Variants in BEGAIN observed in about 807,000 individuals in gnomAD.
BEGAIN encodes the protein brain-enriched guanylate kinase-associated protein.
A neutral mutation model predicts 35.8 loss-of-function variants in BEGAIN; 19 were observed. The ratio of observed to expected loss-of-function variants is 0.53; its 90% confidence interval spans 0.37 to 0.78. The LOEUF is 0.78. Among genes scored for constraint, BEGAIN ranks in the 30% least tolerant of loss-of-function variants. The pLI is 0.00. For missense variants in BEGAIN, 795 were observed against 853.6 expected (o/e 0.93, Z 0.85); for synonymous variants, 462 against 388.6 (o/e 1.19, Z -2.22).
At chr14:100,555,110 G>A (rs921968689) in intron 2 of BEGAIN, among the ~76,000 whole-genome samples, 1 of 152,246 alleles carries the variant, frequency 6.6e-6, no homozygotes, top group African/African-American at 2.4e-5. Flanking sequence ...GTTGGCCCCT[G>A]GAGGAAGCCC....
chr14:100,574,804 C>G lies in BEGAIN; in HGVS notation c.43-6865G>C, dbSNP rs147035703. Among the ~76,000 whole-genome samples, 7 of 152,236 alleles carry G rather than the reference C, an allele frequency of 4.6e-5. No homozygotes were observed. The South Asian group carries it at 8.3e-4, about 18-fold the overall frequency. On this transcript the variant is annotated intron_variant, in intron 1 of 6. Coordinates refer to ENST00000554140, the MANE Select transcript of BEGAIN (RefSeq NM_001385089.1). Reference sequence around the variant, plus strand: ...AGTGACTTATTCAAGGTCACTCAGCCGGAAAGCCTCTCAGACAGGATCCAA... The same window carrying G: ...AGTGACTTATTCAAGGTCACTCAGCGGGAAAGCCTCTCAGACAGGATCCAA...
Position 100,571,668 on chromosome 14 carries a change from G to A in BEGAIN, c.43-3729C>T, listed in dbSNP as rs1323453499. Among the ~76,000 whole-genome samples the A allele has an allele frequency of 6.6e-5, 10 of 152,268 alleles. No homozygotes were observed. In the East Asian group the frequency reaches 1.9e-3, roughly 29 times the overall value. On this transcript the variant is annotated intron_variant, in intron 1 of 6. Coordinates refer to ENST00000554140, the MANE Select transcript of BEGAIN (RefSeq NM_001385089.1). ...GACAAGGTGGAGGGGGTGACTCTGT[G>A]CCACCTGTCAGGCCTCCATGAGGGG...
At chr14:100,546,731 G>A in intron 2 of BEGAIN, 69 bp from the exon 3 acceptor site, 1 of 1,418,546 alleles carries the variant, frequency 7.0e-7, no homozygotes, top group Non-Finnish European at 9.2e-7. Flanking sequence ...CCGCAGGCCA[G>A]CCGGGGCGTG....
rs528143183 is a variant in BEGAIN, at chr14:100,560,846, C to T, written c.71+7065G>A. 1.7e-3 allele frequency among the ~76,000 whole-genome samples: 261 copies of T among 152,336 alleles called. 1 individual carries two copies. Among genetic ancestry groups the T allele is most frequent in the African/African-American group, 6.1e-3 (254 of 41,584 alleles). The stretch of plus-strand genomic sequence containing the variant: ...GTCCTGCAACTCTGTCCTGCTGCTG[C>T]TCAGGACAGACACGAGCTGCCCTCG... On this transcript the variant is annotated intron_variant, in intron 2 of 6. Coordinates refer to ENST00000554140, the MANE Select transcript of BEGAIN (RefSeq NM_001385089.1).
At position 100,545,070 on chromosome 14, in the gene BEGAIN, G is replaced by A. The variant is rs1379324781; in HGVS notation, c.234-4C>T. 1.6e-5 allele frequency: 26 copies of A among 1,613,188 alleles called. No homozygotes were observed. In the Admixed American group the frequency reaches 4.0e-4, roughly 25 times the overall value. On this transcript the variant is annotated splice_region_variant and splice_polypyrimidine_tract_variant and intron_variant, in intron 3 of 6. Transcript: ENST00000554140. Reference sequence around the variant, plus strand: ...TGCCATGTAGTTGCTCTGAATCCTGGTGCAGGAGGCAAGGGGGTCACTGCC... The same window carrying A: ...TGCCATGTAGTTGCTCTGAATCCTGATGCAGGAGGCAAGGGGGTCACTGCC...
Position 100,544,897 on chromosome 14 carries a change from G to A in BEGAIN, c.300+103C>T. ...ATGGAGAAAGGGGTGGGACCAGCAA[G>A]ACCTGTGTCCCAGCTCCTGAGTGGC... On this transcript the variant is annotated intron_variant, in intron 4 of 6. Transcript: ENST00000554140. The A allele has an allele frequency of 4.4e-6, 5 of 1,144,452 alleles. No homozygotes were observed. In the Admixed American group the frequency reaches 8.6e-5, roughly 20 times the overall value. 70.9% of individuals were successfully genotyped at this position (1,144,452 alleles called of 1,614,324 possible). A position where few individuals can be genotyped will look rare whatever the true frequency, so the allele number is the denominator to read the frequency against.
Position 100,539,130 on chromosome 14 carries a change from C to T in BEGAIN, c.678G>A (p.Leu226=), listed in dbSNP as rs1173234095. Reference sequence around the variant, plus strand: ...GTTTCTCCACCCCGTCGCAGAAGGCCAGGTCGCGGGCGGAGGCATCGGACA... The same window carrying T: ...GTTTCTCCACCCCGTCGCAGAAGGCTAGGTCGCGGGCGGAGGCATCGGACA... ...SRLSDASARD[L]AFCDGVEKPG... is the part of the protein sequence containing the mutation. Residue 226 remains leucine, a synonymous_variant, in exon 7 of 7, where the codon CTG becomes CTA. Coordinates refer to ENST00000554140, the MANE Select transcript of BEGAIN (RefSeq NM_001385089.1). The T allele has an allele frequency of 2.0e-5, 32 of 1,605,294 alleles. No individual in the cohort carries two copies. Among genetic ancestry groups the T allele is most frequent in the Non-Finnish European group, 2.6e-5 (30 of 1,174,282 alleles).
rs1253220262 is a variant in BEGAIN, at chr14:100,586,301, G to C, written c.42+948C>G. On this transcript the variant is annotated intron_variant, in intron 1 of 6. Coordinates refer to ENST00000554140, the MANE Select transcript of BEGAIN (RefSeq NM_001385089.1). The surrounding 1 kb of genome is among the most constrained non-coding windows in gnomAD (Gnocchi z 4.9). The stretch of plus-strand genomic sequence containing the variant: ...GCCTCCGACGGAGCCTGGCTGTGGA[G>C]ACCCCGCCCCACCCATACCCCCAGG... 6.6e-6 allele frequency among the ~76,000 whole-genome samples: 1 copy of C among 152,224 alleles called. No individual in the cohort carries two copies. Among genetic ancestry groups the C allele is most frequent in the East Asian group, 1.9e-4 (1 of 5,172 alleles).
rs1038227484 is a variant in BEGAIN, at chr14:100,567,438, G to A, written c.71+473C>T. On this transcript the variant is annotated intron_variant, in intron 2 of 6. Transcript: ENST00000554140. This position sits in a 1 kb window ranked among gnomAD's most constrained non-coding sequence, Gnocchi z 5.1. Reference sequence around the variant, plus strand: ...TCCCCCACCCCCGCCCCCCAGAGGCGGACACTTAAAAGCTCAGAGCCAGGC... The same window carrying A: ...TCCCCCACCCCCGCCCCCCAGAGGCAGACACTTAAAAGCTCAGAGCCAGGC... Among the ~76,000 whole-genome samples the A allele has an allele frequency of 3.9e-5, 6 of 152,082 alleles. 1 individual carries two copies. The Middle Eastern group carries it at 0.014, about 345-fold the overall frequency.
At chr14:100,570,026 C>T (rs540761002) in intron 1 of BEGAIN, among the ~76,000 whole-genome samples, 6 of 152,288 alleles carry the variant, frequency 3.9e-5, no homozygotes, top group Admixed American at 3.9e-4. Context: ...AGAGAAGAGG[C>T]TTGCTGGAGA....
Position 100,537,879 on chromosome 14 carries a change from A to G in BEGAIN, c.*90T>C. ...CCTCGTTGTTGGCCGGGGCAGGGGAACAGCGGGGGCTGGGGAGAGGTGAGG... is the reference window on the plus strand; with the variant it reads ...CCTCGTTGTTGGCCGGGGCAGGGGAGCAGCGGGGGCTGGGGAGAGGTGAGG... On this transcript the variant is annotated 3_prime_UTR_variant, in exon 7 of 7. Transcript: ENST00000554140. The G allele has an allele frequency of 6.8e-7, 1 of 1,465,366 alleles. No homozygotes were observed. The highest frequency in any genetic ancestry group is 9.0e-7 in the Non-Finnish European group (1 of 1,105,986). 90.8% of individuals were successfully genotyped at this position (1,465,366 alleles called of 1,614,324 possible).
Position 100,540,587 on chromosome 14 carries a change from A to C in BEGAIN, c.409-8T>G. On this transcript the variant is annotated splice_polypyrimidine_tract_variant and splice_region_variant and intron_variant, in intron 5 of 6. Coordinates refer to ENST00000554140, the MANE Select transcript of BEGAIN (RefSeq NM_001385089.1). ...GTCCTTCCTATAGAGCTCCTAAAAG[A>C]CAAGAGAAGGCGTTTGGCGCCATTC... 1 of 1,595,052 alleles carries C rather than the reference A, an allele frequency of 6.3e-7. No homozygotes were observed.
chr14:100,585,987 T>G (rs1457248072), intron 1 of BEGAIN, among the ~76,000 whole-genome samples: 1 of 152,052 alleles, frequency 6.6e-6, no homozygotes, highest in Non-Finnish European at 1.5e-5. Flanking sequence ...GTCGGGAAAA[T>G]TAAGGGTTTG....
At position 100,540,551 on chromosome 14, in the gene BEGAIN, G is replaced by A. The variant is rs1473057850; in HGVS notation, c.437C>T (p.Ala146Val). ...NELYRKDCNL[A>V]AQLLQCSQTY... ...CTGGCTGCACTGCAGCAGCTGGGCC[G>A]CTAGATTGCAGTCCTTCCTATAGAG... The change falls in exon 6 of 7, where the codon GCG becomes GTG. Residue 146 changes from alanine (A) to valine (V), a missense_variant. Ala to Val is a moderately conservative substitution (Grantham distance 64). This residue lies in a region of BEGAIN where 73 missense variants were observed against 143.2 expected (regional missense o/e 0.51). Coordinates refer to ENST00000554140, the MANE Select transcript of BEGAIN (RefSeq NM_001385089.1). The A allele has an allele frequency of 2.5e-6, 4 of 1,607,096 alleles. No homozygotes were observed. Among genetic ancestry groups the A allele is most frequent in the Admixed American group, 3.4e-5 (2 of 59,446 alleles).
intron 5 of BEGAIN, among the ~76,000 whole-genome samples, chr14:100,541,099 A>C (rs1052192388): frequency 6.6e-6 from 1 of 152,122 alleles, no homozygotes; most frequent in African/African-American, 2.4e-5. Context: ...GTGTGGCTGC[A>C]GGGCTGGGCA....
Position 100,560,454 on chromosome 14 carries a change from G to A in BEGAIN, c.71+7457C>T, listed in dbSNP as rs187278224. Among the ~76,000 whole-genome samples the A allele has an allele frequency of 5.2e-3, 798 of 152,244 alleles. 7 individuals are homozygous for A. The highest frequency in any genetic ancestry group is 0.018 in the African/African-American group (753 of 41,524). On this transcript the variant is annotated intron_variant, in intron 2 of 6. Transcript: ENST00000554140. The stretch of plus-strand genomic sequence containing the variant: ...CCATGTGCCTCTTCTGGCCCTCACC[G>A]GGGATCCCCCAGACACATGGCTGGG...
At chr14:100,577,732 C>T (rs904261394) in intron 1 of BEGAIN, 123 of 398,998 alleles carry the variant, frequency 3.1e-4, no homozygotes, top group South Asian at 5.1e-4. Flanking sequence ...TGGCGACACC[C>T]GGGCCATCTC....
chr14:100,567,937 G>A lies in BEGAIN; in HGVS notation c.45C>T (p.Ala15=). 1 of 1,461,136 alleles carries A rather than the reference G, an allele frequency of 6.8e-7. No individual in the cohort carries two copies. Among genetic ancestry groups the A allele is most frequent in the Non-Finnish European group, 9.1e-7 (1 of 1,096,916 alleles). The allele number at this position is 1,461,136 out of a possible 1,614,324, so 90.5% of individuals were successfully genotyped here. The change falls in exon 2 of 7, where the codon GCC becomes GCT. Residue 15 remains alanine (A), a splice_region_variant and synonymous_variant. Coordinates refer to ENST00000554140, the MANE Select transcript of BEGAIN (RefSeq NM_001385089.1). This position sits in a 1 kb window ranked among gnomAD's most constrained non-coding sequence, Gnocchi z 5.1. ...TGAGTTTCTCCATGTCTGCGGCAGA[G>A]GCCTGCGAGAAACCAAACGAGAGGG... is the stretch of plus-strand genomic sequence containing the variant. ...GRRPGRLRRA[A]SAADMEKLSA... is the part of the protein sequence containing the mutation.
At chr14:100,584,357 G>C (rs1373220017) in intron 1 of BEGAIN, among the ~76,000 whole-genome samples, 3 of 152,202 alleles carry the variant, frequency 2.0e-5, no homozygotes, top group African/African-American at 7.2e-5. Context: ...GCTGAGGCAA[G>C]GGCCACTTTT....
Sources: gnomAD v4.1 joint callset for allele counts (sites outside exome capture counted in the v4.1 genomes callset) on GRCh38, gnomAD v4.1.1 for gene constraint, gnomAD v4.1.1 regional missense constraint, Gnocchi (gnomAD v3.1) non-coding constraint, MANE v1.5 for transcripts, NCBI Gene and HGNC (gene_info 2026-07-23, HGNC 2026-07-21) for gene names.